The following DPPA2 variants were observed in gnomAD, a reference collection of about 807,000 sequenced individuals.
DPPA2 encodes developmental pluripotency associated 2.
DPPA2 carries 26 observed loss-of-function variants against 36.2 expected under a neutral mutation model. That is an observed-to-expected ratio of 0.72 (90% CI 0.53 to 1.00). DPPA2 has a LOEUF of 1.00. DPPA2 is among the 50% of genes least tolerant of loss of function. The pLI, the probability that DPPA2 is intolerant of heterozygous loss-of-function variation, is 0.00. For synonymous variants in DPPA2, 113 were observed against 123.2 expected, an observed-to-expected ratio of 0.92 and a Z score of 0.55; for missense variants, 361 against 365.1, an observed-to-expected ratio of 0.99 and a Z score of 0.09.
rs150566515 is a variant in DPPA2, at chr3:109,303,015, C to T, written c.854+1460G>A. On this transcript the variant is annotated intron_variant, in intron 7 of 8. Transcript: ENST00000478945. ...TAGACATAAAATCTTTCATGGTCTG[C>T]TCCTCCACTCCCCAAACTCATTTCT... Among the ~76,000 whole-genome samples, 339 of 152,258 alleles carry T rather than the reference C, an allele frequency of 2.2e-3. 2 individuals carry two copies. The highest frequency in any genetic ancestry group is 3.9e-3 in the Non-Finnish European group (265 of 68,024).
At chr3:109,295,579 T>A (rs1485755577) in intron 8 of DPPA2, 1 of 151,062 alleles carries the variant, frequency 6.6e-6, no homozygotes, top group Admixed American at 6.6e-5. Flanking sequence ...AAGTCTGATT[T>A]ATAAATATAT....
chr3:109,313,186 C>A (rs1276703726), intron 2 of DPPA2, among the ~76,000 whole-genome samples: 1 of 152,180 alleles, frequency 6.6e-6, no homozygotes, highest in South Asian at 2.1e-4. Context: ...GAAAATTATT[C>A]AATGGCTTGT....
chr3:109,300,423 C>T lies in DPPA2; in HGVS notation c.867G>A (p.Met289Ile). The T allele has an allele frequency of 6.2e-7, 1 of 1,613,996 alleles. No homozygotes were observed. Among genetic ancestry groups the T allele is most frequent in the South Asian group, 1.1e-5 (1 of 91,078 alleles). The change falls in exon 8 of 9, where the codon ATG (methionine) becomes ATA (isoleucine). Residue 289 changes from methionine (M) to isoleucine (I), a missense_variant. Transcript: ENST00000478945. Reference sequence around the variant, plus strand: ...TCTCTACTGTCATTAATCTTTTCATCATCTTCTTATTCCTGTAAGGCAAGT... The same window carrying T: ...TCTCTACTGTCATTAATCTTTTCATTATCTTCTTATTCCTGTAAGGCAAGT... Reference protein sequence around the residue: ...CPDCAKRNKKMMKRLMTVEK With the variant: ...CPDCAKRNKKIMKRLMTVEK
At chr3:109,294,186 T>C (rs1707311879) in intron 8 of DPPA2, among the ~76,000 whole-genome samples, 182 bp from the exon 9 acceptor site, 1 of 152,132 alleles carries the variant, frequency 6.6e-6, no homozygotes, top group Non-Finnish European at 1.5e-5. Flanking sequence ...TCAGAATTGG[T>C]TTCCTTTGGG....
chr3:109,307,763 GA>G (rs1707605513), intron 6 of DPPA2, among the ~76,000 whole-genome samples: 1 of 152,068 alleles, frequency 6.6e-6, no homozygotes, highest in Non-Finnish European at 1.5e-5. Flanking sequence ...AAGAAAAGGG[GA>G]AGACCTCAGA....
In DPPA2 at chr3:109,308,153, A is replaced by C; in HGVS notation, c.537T>G (p.Thr179=). Residue 179 remains threonine, a synonymous_variant, in exon 6 of 9, where the codon ACT becomes ACG. Coordinates refer to ENST00000478945, the MANE Select transcript of DPPA2 (RefSeq NM_138815.4). ...ATGCCAACATGGCTCCCGGTGCTGA[A>C]GTTATCACTTCAACTGTATTGGTCT... ...AEETNTVEVI[T]SAPGAMLASW... The C allele has an allele frequency of 1.2e-6, 2 of 1,614,206 alleles. No homozygotes were observed. The highest frequency in any genetic ancestry group is 1.7e-6 in the Non-Finnish European group (2 of 1,180,042).
chr3:109,295,205 A>T (rs2107297392), intron 8 of DPPA2: 1 of 151,986 alleles, frequency 6.6e-6, no homozygotes, highest in Admixed American at 6.5e-5. Context: ...TGGTATTTGT[A>T]TAATTTTCTT....
chr3:109,306,961 T>C (rs928670592), intron 6 of DPPA2, among the ~76,000 whole-genome samples: 1 of 151,536 alleles, frequency 6.6e-6, no homozygotes, highest in Non-Finnish European at 1.5e-5. Flanking sequence ...CGTGAGCCAC[T>C]GTGCCCGGCC....
rs747129141 is a variant in DPPA2, at chr3:109,308,256, C to T, written c.434G>A (p.Arg145Gln). ...PEMSQETRLQRCSRKRKAVTK... is the reference protein window; with the variant it reads ...PEMSQETRLQQCSRKRKAVTK... The stretch of plus-strand genomic sequence containing the variant: ...CACTGCCTTGCGTTTCCTCGAACAT[C>T]GCTGTAATCTGGTCTCTTGTGACAT... Residue 145 changes from arginine to glutamine, a missense_variant, in exon 6 of 9, where the codon CGA becomes CAA. Transcript: ENST00000478945. The T allele has an allele frequency of 2.0e-5, 32 of 1,614,054 alleles. No homozygotes were observed. Among genetic ancestry groups the T allele is most frequent in the African/African-American group, 2.7e-5 (2 of 74,914 alleles).
rs143599942 is a variant in DPPA2 at position 109,308,893 on chromosome 3, C to G, written c.396+133G>C. On this transcript the variant is annotated intron_variant, in intron 5 of 8. Coordinates refer to ENST00000478945, the MANE Select transcript of DPPA2 (RefSeq NM_138815.4). ...CAAAACAAACAAAAAATTATTTGTT[C>G]CGAAATATCAATAATGCCACAGTGA... The G allele has an allele frequency of 2.7e-5, 30 of 1,125,246 alleles. No homozygotes were observed. The African/African-American group carries it at 3.6e-4, about 14-fold the overall frequency. The allele number at this position is 1,125,246 out of a possible 1,614,324, so 69.7% of individuals were successfully genotyped here. A position where few individuals can be genotyped will look rare whatever the true frequency, so the allele number is the denominator to read the frequency against.
Position 109,316,382 on chromosome 3 carries a change from T to A in DPPA2, c.-112A>T, listed in dbSNP as rs145024943. 484 of 153,302 alleles carry A rather than the reference T, an allele frequency of 3.2e-3. 1 individual carries two copies. The highest frequency in any genetic ancestry group is 6.0e-3 in the Admixed American group (92 of 15,308). 9.5% of individuals were successfully genotyped at this position (153,302 alleles called of 1,614,324 possible). ...TGAATTCCTGGCTGAGTTCCCAGAC[T>A]CAAGTTGATCCTCCCTCCGCAGCCT... is the stretch of plus-strand genomic sequence containing the variant. On this transcript the variant is annotated 5_prime_UTR_variant, in exon 1 of 9. Transcript: ENST00000478945.
intron 1 of DPPA2, among the ~76,000 whole-genome samples, chr3:109,315,119 A>G (rs919279343): frequency 1.3e-5 from 2 of 152,188 alleles, no homozygotes; most frequent in Non-Finnish European, 2.9e-5. Flanking sequence ...GAAAACTGAA[A>G]ATGACAAACA....
intron 8 of DPPA2, among the ~76,000 whole-genome samples, chr3:109,298,130 G>A (rs1707385518): frequency 6.6e-6 from 1 of 152,058 alleles, no homozygotes; most frequent in South Asian, 2.1e-4. Context: ...GTATGGGCTT[G>A]CGGGGAGGGA....
At chr3:109,314,889 C>T (rs919325705) in intron 1 of DPPA2, among the ~76,000 whole-genome samples, 7 of 152,092 alleles carry the variant, frequency 4.6e-5, no homozygotes, top group Admixed American at 2.6e-4. Context: ...CATGGCGAGA[C>T]CCCCATTTCT....
chr3:109,308,027 C>T lies in DPPA2; in HGVS notation c.658+5G>A. The T allele has an allele frequency of 1.2e-6, 2 of 1,613,060 alleles. No homozygotes were observed. The highest frequency in any genetic ancestry group is 1.7e-6 in the Non-Finnish European group (2 of 1,179,182). The stretch of plus-strand genomic sequence containing the variant: ...GTGGGACTCACACTTTAAGGTTGAT[C>T]TTACCAGAGGCTTGCATCAAAAAGG... On this transcript the variant is annotated splice_donor_5th_base_variant and intron_variant, in intron 6 of 8. Coordinates refer to ENST00000478945, the MANE Select transcript of DPPA2 (RefSeq NM_138815.4).
rs755213766 is a variant in DPPA2, at chr3:109,309,176, A to T, written c.336T>A (p.Asn112Lys). 3 of 1,614,170 alleles carry T rather than the reference A, an allele frequency of 1.9e-6. No homozygotes were observed. Among genetic ancestry groups the T allele is most frequent in the Non-Finnish European group, 2.5e-6 (3 of 1,180,032 alleles). ...TTCACCCAAGTGTACTAACCTTGCC[A>T]TTAGTACTCAAACCGAGTTGTTGAC... Reference protein sequence around the residue: ...DWCQQLGLSTNGKKIEVYLRL... With the variant: ...DWCQQLGLSTKGKKIEVYLRL... The change falls in exon 4 of 9, where the codon AAT (asparagine) becomes AAA (lysine). Residue 112 changes from asparagine to lysine, a missense_variant. Transcript: ENST00000478945.
At chr3:109,307,264 C>G (rs1707587444) in intron 6 of DPPA2, among the ~76,000 whole-genome samples, 1 of 152,008 alleles carries the variant, frequency 6.6e-6, no homozygotes, top group Admixed American at 6.6e-5. Flanking sequence ...CCACCAAGCT[C>G]AGCCACTACT....
At chr3:109,316,108 G>C (rs929763459) in intron 1 of DPPA2, among the ~76,000 whole-genome samples, 176 bp downstream of exon 1, 1 of 152,168 alleles carries the variant, frequency 6.6e-6, no homozygotes, top group Admixed American at 6.5e-5. Flanking sequence ...GCCCAGGCTG[G>C]AGTGCGGTGG....
chr3:109,302,857 A>G (rs774899512), intron 7 of DPPA2, among the ~76,000 whole-genome samples: 7 of 151,978 alleles, frequency 4.6e-5, no homozygotes, highest in Non-Finnish European at 1.0e-4. Context: ...ATGGATGGAC[A>G]TCGGGAATTC....
Sources: gnomAD v4.1 joint callset for allele counts (sites outside exome capture counted in the v4.1 genomes callset) on GRCh38, gnomAD v4.1.1 for gene constraint, MANE v1.5 for transcripts, NCBI Gene and HGNC (gene_info 2026-07-23, HGNC 2026-07-21) for gene names.